PLEKHH2: variants seen among roughly 807,000 people sequenced by gnomAD.
PLEKHH2 encodes pleckstrin homology, MyTH4 and FERM domain containing H2, also known as pleckstrin homology domain-containing family H member 2.
PLEKHH2 carries 129 observed loss-of-function variants against 187.9 expected under a neutral mutation model. The ratio of observed to expected loss-of-function variants is 0.69; its 90% CI spans 0.59 to 0.79. PLEKHH2 has a LOEUF of 0.79. PLEKHH2 is among the 30% of genes least tolerant of loss of function. The pLI is 0.00. For synonymous variants in PLEKHH2, 686 were observed against 605.6 expected (o/e 1.13, Z -1.95); for missense variants, 2,076 against 1,751.2 (o/e 1.19, Z -3.31).
intron 24 of PLEKHH2, 38 bp downstream of exon 24, chr2:43,746,001 T>C (rs368522936): frequency 8.8e-6 from 12 of 1,364,778 alleles, no homozygotes; most frequent in South Asian, 4.0e-5. Flanking sequence ...AGTATGAGTA[T>C]ACAATATGTT....
chr2:43,685,789 G>T (rs917351320), intron 3 of PLEKHH2, among the ~76,000 whole-genome samples: 1 of 152,156 alleles, frequency 6.6e-6, no homozygotes, highest in African/African-American at 2.4e-5. Flanking sequence ...TGGAAGCAAT[G>T]TGATCAAATC....
chr2:43,727,643 T>A (rs1158575933), intron 17 of PLEKHH2, among the ~76,000 whole-genome samples: 1 of 152,230 alleles, frequency 6.6e-6, no homozygotes, highest in Non-Finnish European at 1.5e-5. Flanking sequence ...TTTGAGCACA[T>A]GTATCAGGCC....
At chr2:43,654,753 G>A (rs977435132) in intron 2 of PLEKHH2, among the ~76,000 whole-genome samples, 2 of 148,612 alleles carry the variant, frequency 1.3e-5, no homozygotes, top group African/African-American at 5.0e-5. Flanking sequence ...TAGGCCAGGC[G>A]TGGTGGCTCA....
chr2:43,749,533 A>G (rs1448618761), intron 24 of PLEKHH2, among the ~76,000 whole-genome samples: 1 of 152,180 alleles, frequency 6.6e-6, no homozygotes, highest in East Asian at 1.9e-4. Flanking sequence ...ATTTTTTTTT[A>G]AAAGAGAGAA....
chr2:43,756,984 C>T, intron 25 of PLEKHH2, 135 bp from the exon 26 acceptor site: 1 of 565,386 alleles, frequency 1.8e-6, no homozygotes, highest in Non-Finnish European at 2.8e-6. Context: ...TTATGAAGTT[C>T]ATAATCACAT....
At chr2:43,659,621 G>T (rs1409881243) in intron 2 of PLEKHH2, among the ~76,000 whole-genome samples, 1 of 149,478 alleles carries the variant, frequency 6.7e-6, no homozygotes, top group Non-Finnish European at 1.5e-5. Context: ...GCAGTGGTCA[G>T]ATCTCAGCTC....
intron 19 of PLEKHH2, among the ~76,000 whole-genome samples, chr2:43,735,500 A>G (rs1671249051): frequency 1.3e-5 from 2 of 152,158 alleles, no homozygotes. Flanking sequence ...AATAAGTTCT[A>G]GTGTTCAACA....
intron 3 of PLEKHH2, among the ~76,000 whole-genome samples, chr2:43,688,767 A>G (rs1355246785): frequency 6.6e-6 from 1 of 152,238 alleles, no homozygotes; most frequent in Non-Finnish European, 1.5e-5. Flanking sequence ...GAAATCAGGT[A>G]TGAGCTTCCA....
chr2:43,652,090 G>A lies in PLEKHH2; in HGVS notation c.123+7294G>A, dbSNP rs1285211648. Among the ~76,000 whole-genome samples the A allele has an allele frequency of 2.6e-5, 4 of 152,244 alleles. No individual in the cohort carries two copies. In the East Asian group the frequency reaches 7.7e-4, roughly 29 times the overall value. On this transcript the variant is annotated intron_variant, in intron 2 of 29. Coordinates refer to ENST00000282406, the MANE Select transcript of PLEKHH2 (RefSeq NM_172069.4). The stretch of plus-strand genomic sequence containing the variant: ...TGAGAGGGTGGGAGAGTATCTGCTG[G>A]GCGGTGAGGTCATAGATGCCATAGC...
chr2:43,724,208 G>C (rs1034692374), intron 16 of PLEKHH2, among the ~76,000 whole-genome samples: 1 of 152,204 alleles, frequency 6.6e-6, no homozygotes, highest in African/African-American at 2.4e-5. Context: ...TGAGTCTGGA[G>C]TTATAAATTT....
chr2:43,675,470 C>T (rs1667701911), intron 2 of PLEKHH2: 2 of 1,613,898 alleles, frequency 1.2e-6, no homozygotes, highest in Admixed American at 1.7e-5. Context: ...TACATCATTA[C>T]TTCCATCTTT....
intron 16 of PLEKHH2, among the ~76,000 whole-genome samples, chr2:43,722,270 A>AG (rs1182864652): frequency 6.6e-6 from 1 of 151,846 alleles, no homozygotes; most frequent in East Asian, 1.9e-4. Flanking sequence ...AAAAAAAAAA[A>AG]AATGTTAATA....
At chr2:43,694,250 G>T (rs1296436245) in intron 4 of PLEKHH2, among the ~76,000 whole-genome samples, 181 bp from the exon 5 acceptor site, 1 of 152,184 alleles carries the variant, frequency 6.6e-6, no homozygotes. Context: ...ATGTGGCTTT[G>T]TGGTTTCTTA....
In PLEKHH2 at chr2:43,726,266, CT is replaced by C; in HGVS notation, c.2542-3del. 1 of 1,582,972 alleles carries C rather than the reference CT, an allele frequency of 6.3e-7. No homozygotes were observed. Among genetic ancestry groups the C allele is most frequent in the Non-Finnish European group, 8.6e-7 (1 of 1,156,108 alleles). ...CCTTCCTCACAATTACTAATATTTA[CT>C]TTAGTTTCCTTTAGGTCAGATCAAA... On this transcript the variant is annotated splice_polypyrimidine_tract_variant and splice_region_variant and intron_variant, in intron 16 of 29. Coordinates refer to ENST00000282406, the MANE Select transcript of PLEKHH2 (RefSeq NM_172069.4).
chr2:43,677,856 G>C (rs372640759), intron 2 of PLEKHH2, among the ~76,000 whole-genome samples: 9 of 145,308 alleles, frequency 6.2e-5, no homozygotes, highest in African/African-American at 2.3e-4. Context: ...CCTCCCGGAC[G>C]GGGCGGCTGG....
At chr2:43,691,893 G>T (rs1451906420) in intron 3 of PLEKHH2, among the ~76,000 whole-genome samples, 1 of 152,126 alleles carries the variant, frequency 6.6e-6, no homozygotes, top group Non-Finnish European at 1.5e-5. Flanking sequence ...TCAGGGCCTG[G>T]AATAAGCCGG....
intron 2 of PLEKHH2, among the ~76,000 whole-genome samples, chr2:43,670,424 G>A (rs149908680): frequency 1.1e-3 from 166 of 152,268 alleles, no homozygotes; most frequent in Non-Finnish European, 1.7e-3. Context: ...ATTGTAGTAT[G>A]TGATGGCTAT....
chr2:43,642,968 A>C (rs927554395), intron 1 of PLEKHH2, among the ~76,000 whole-genome samples: 5 of 152,134 alleles, frequency 3.3e-5, no homozygotes, highest in African/African-American at 4.8e-5. Flanking sequence ...ATGGTAGTTC[A>C]AGACGTAAAG....
chr2:43,701,711 A>C lies in PLEKHH2; in HGVS notation c.1650+1103A>C, dbSNP rs552725849. On this transcript the variant is annotated intron_variant, in intron 8 of 29. Transcript: ENST00000282406. ...GTAGGATAACACTGCTAGACTAAAA[A>C]AAAAAAAAAATTCTTCCAATATTTG... Among the ~76,000 whole-genome samples the C allele has an allele frequency of 7.2e-5, 11 of 152,170 alleles. No individual in the cohort carries two copies. In the East Asian group the frequency reaches 1.9e-3, roughly 27 times the overall value.
Sources: allele counts gnomAD v4.1 joint callset (sites outside exome capture counted in the v4.1 genomes callset), GRCh38; gene constraint gnomAD v4.1.1; transcripts MANE v1.5; gene names NCBI Gene and HGNC (gene_info 2026-07-23, HGNC 2026-07-21).